Variants in ALK observed in about 807,000 individuals in gnomAD.
ALK encodes ALK receptor tyrosine kinase, also known as ALK tyrosine kinase receptor.
Under a neutral mutation model 163.1 loss-of-function variants are expected in ALK, and 74 were observed. The observed-to-expected ratio is 0.45, with a 90% CI of 0.38 to 0.55. The LOEUF (loss-of-function observed/expected upper bound fraction) is 0.55, where lower values mean the gene tolerates loss of function less well. ALK is among the 20% of genes least tolerant of loss of function. ALK has a pLI of 0.00. For missense variants in ALK, 2,063 were observed against 2,105.3 expected, an observed-to-expected ratio of 0.98 and a Z score of 0.39; for synonymous variants, 960 against 843.2, an observed-to-expected ratio of 1.14 and a Z score of -2.40.
chr2:29,874,168 G>C (rs868718539), intron 1 of ALK, among the ~76,000 whole-genome samples: 1 of 152,128 alleles, frequency 6.6e-6, no homozygotes, highest in Non-Finnish European at 1.5e-5. Flanking sequence ...GCACTTGTTG[G>C]TATGACTGTT....
In ALK at chr2:29,828,820, T is replaced by C. The variant is rs550049781; in HGVS notation, c.667+91173A>G. Reference sequence around the variant, plus strand: ...CCCAGCCATCCCATTACTGGGTATATACCCAAAGGATTATAAATCATGCTG... The same window carrying C: ...CCCAGCCATCCCATTACTGGGTATACACCCAAAGGATTATAAATCATGCTG... On this transcript the variant is annotated intron_variant, in intron 1 of 28. Coordinates refer to ENST00000389048, the MANE Select transcript of ALK (RefSeq NM_004304.5). Among the ~76,000 whole-genome samples, 97 of 152,244 alleles carry C rather than the reference T, an allele frequency of 6.4e-4. 1 individual carries two copies. Among genetic ancestry groups the C allele is most frequent in the African/African-American group, 2.2e-3 (92 of 41,556 alleles).
chr2:29,357,073 C>G (rs1332510502), intron 5 of ALK, among the ~76,000 whole-genome samples: 1 of 152,202 alleles, frequency 6.6e-6, no homozygotes, highest in Non-Finnish European at 1.5e-5. Flanking sequence ...GGCCATGGTA[C>G]TCACTTCTGC....
intron 4 of ALK, among the ~76,000 whole-genome samples, chr2:29,430,199 T>C (rs1284685074): frequency 2.0e-5 from 3 of 152,102 alleles, no homozygotes; most frequent in African/African-American, 4.8e-5. Context: ...ATAGAAAAAT[T>C]AGAATTTATC....
At chr2:29,795,710 T>G (rs1265270827) in intron 1 of ALK, among the ~76,000 whole-genome samples, 2 of 152,106 alleles carry the variant, frequency 1.3e-5, no homozygotes, top group Admixed American at 1.3e-4. Context: ...TCTTAAAAAT[T>G]TTATATGAAT....
chr2:29,913,034 T>C (rs1008697862), intron 1 of ALK, among the ~76,000 whole-genome samples: 20 of 152,226 alleles, frequency 1.3e-4, no homozygotes, highest in African/African-American at 4.1e-4. Flanking sequence ...TCTAACTTCA[T>C]ACCTTTTTCA....
intron 1 of ALK, among the ~76,000 whole-genome samples, chr2:29,802,070 T>TGGTTTAAATGTC (rs1664480583): frequency 6.6e-6 from 1 of 152,164 alleles, no homozygotes; most frequent in Non-Finnish European, 1.5e-5. Flanking sequence ...GTTTAAATGT[T>TGGTTTAAATGTC]GACTTGGTTT....
Position 29,656,746 on chromosome 2 carries a change from TC to T in ALK, c.952+38103del, listed in dbSNP as rs567155889. On this transcript the variant is annotated intron_variant, in intron 3 of 28. Coordinates refer to ENST00000389048, the MANE Select transcript of ALK (RefSeq NM_004304.5). ...GCACTCTTTGTGGAGAGACTCAGAA[TC>T]CAATGAGCAAGGAGGGATCAAACCT... is the stretch of plus-strand genomic sequence containing the variant. Among the ~76,000 whole-genome samples the T allele has an allele frequency of 2.0e-3, 306 of 152,150 alleles. 1 individual carries two copies. Among genetic ancestry groups the T allele is most frequent in the Non-Finnish European group, 2.7e-3 (183 of 67,982 alleles).
chr2:29,918,881 G>A (rs767350435), intron 1 of ALK, among the ~76,000 whole-genome samples: 1 of 152,180 alleles, frequency 6.6e-6, no homozygotes, highest in Non-Finnish European at 1.5e-5. Flanking sequence ...GATGGAATTT[G>A]TGTAGGCTTT....
chr2:29,483,674 T>A (rs78272826), intron 4 of ALK, among the ~76,000 whole-genome samples: 101 of 152,340 alleles, frequency 6.6e-4, no homozygotes, highest in African/African-American at 2.4e-3. Flanking sequence ...ATCAAGTCAT[T>A]ACTTTTTACT....
At chr2:29,260,799 A>G (rs1197449309) in intron 11 of ALK, among the ~76,000 whole-genome samples, 1 of 151,950 alleles carries the variant, frequency 6.6e-6, no homozygotes, top group Non-Finnish European at 1.5e-5. Context: ...ATGCCACTGC[A>G]CTCCAGCTTG....
At chr2:29,889,480 A>G (rs962827990) in intron 1 of ALK, among the ~76,000 whole-genome samples, 11 of 151,930 alleles carry the variant, frequency 7.2e-5, no homozygotes, top group Admixed American at 6.6e-4. Flanking sequence ...TTTTCTTTAA[A>G]ATGACTTTTT....
intron 1 of ALK, among the ~76,000 whole-genome samples, chr2:29,788,277 G>T (rs1300883529): frequency 6.6e-6 from 1 of 152,184 alleles, no homozygotes; most frequent in African/African-American, 2.4e-5. Flanking sequence ...TGACAGGAAG[G>T]GCTACAATGT....
At chr2:29,736,673 T>G (rs1655091112) in intron 1 of ALK, among the ~76,000 whole-genome samples, 2 of 152,068 alleles carry the variant, frequency 1.3e-5, no homozygotes, top group Admixed American at 1.3e-4. Context: ...CCTTATGTAG[T>G]GTCGACTTTT....
chr2:29,641,434 C>A (rs1394442371), intron 3 of ALK, among the ~76,000 whole-genome samples: 5 of 152,096 alleles, frequency 3.3e-5, no homozygotes, highest in Non-Finnish European at 7.4e-5. Context: ...CACCGCAAGT[C>A]CAGTACATTG....
chr2:29,901,840 T>C (rs1287657827), intron 1 of ALK, among the ~76,000 whole-genome samples: 1 of 152,176 alleles, frequency 6.6e-6, no homozygotes, highest in Non-Finnish European at 1.5e-5. Flanking sequence ...TCTTCTGATC[T>C]GAAAGAAATA....
intron 4 of ALK, among the ~76,000 whole-genome samples, chr2:29,503,935 G>T (rs925891114): frequency 6.6e-6 from 1 of 151,612 alleles, no homozygotes; most frequent in Admixed American, 6.6e-5. Context: ...AGTAATTGTG[G>T]TTTTTACCAT....
chr2:29,717,852 T>C (rs866989857), intron 1 of ALK, among the ~76,000 whole-genome samples, 155 bp from the exon 2 acceptor site: 1 of 152,122 alleles, frequency 6.6e-6, no homozygotes, highest in Non-Finnish European at 1.5e-5. Flanking sequence ...GTAGACTGAG[T>C]TGACCTCAGG....
Position 29,916,777 on chromosome 2 carries a change from C to G in ALK, c.667+3216G>C, listed in dbSNP as rs115361482. Among the ~76,000 whole-genome samples, 407 of 152,292 alleles carry G rather than the reference C, an allele frequency of 2.7e-3. 3 individuals carry two copies. In the Middle Eastern group the frequency reaches 0.037, roughly 14 times the overall value. ...CCCTCTGCCTGGGTGACAGCAGAAA[C>G]AGATCTCAAAACACCTGTAAGCCAG... On this transcript the variant is annotated intron_variant, in intron 1 of 28. Transcript: ENST00000389048.
chr2:29,705,242 T>TAC (rs1678865061), intron 2 of ALK, among the ~76,000 whole-genome samples: 1 of 22,914 alleles, frequency 4.4e-5, no homozygotes, highest in African/African-American at 3.2e-4. Flanking sequence ...AGAAAAGAAA[T>TAC]ATATATATAT....
Sources: allele counts gnomAD v4.1 joint callset (sites outside exome capture counted in the v4.1 genomes callset), GRCh38; gene constraint gnomAD v4.1.1; transcripts MANE v1.5; gene names NCBI Gene and HGNC (gene_info 2026-07-23, HGNC 2026-07-21).